Variants in SKI observed in about 807,000 individuals in gnomAD.
SKI encodes ski oncogene.
A neutral mutation model predicts 59.3 loss-of-function variants in SKI; 23 were observed. The observed-to-expected ratio is 0.39, with a 90% confidence interval of 0.28 to 0.55. SKI has a LOEUF of 0.55. SKI is among the 20% of genes least tolerant of loss of function. The pLI, the probability that SKI is intolerant of heterozygous loss-of-function variation, is 0.67. For synonymous variants in SKI, 673 were observed against 488.6 expected, an observed-to-expected ratio of 1.38 and a Z score of -4.98; for missense variants, 1,017 against 1,038.9, an observed-to-expected ratio of 0.98 and a Z score of 0.29.
chr1:2,246,722 GC>G (rs1639005251), intron 1 of SKI, among the ~76,000 whole-genome samples: 4 of 152,338 alleles, frequency 2.6e-5, no homozygotes, highest in Admixed American at 2.6e-4. Flanking sequence ...ACCTGCTGGG[GC>G]CGAAGGCTGT....
Position 2,267,458 on chromosome 1 carries a change from C to T in SKI, c.970-35520C>T, listed in dbSNP as rs931648193. Among the ~76,000 whole-genome samples the T allele has an allele frequency of 2.6e-5, 4 of 152,328 alleles. No individual in the cohort carries two copies. Among genetic ancestry groups the T allele is most frequent in the African/African-American group, 7.2e-5 (3 of 41,574 alleles). On this transcript the variant is annotated intron_variant, in intron 1 of 6. Coordinates refer to ENST00000378536, the MANE Select transcript of SKI (RefSeq NM_003036.4). The surrounding 1 kb of genome is among the most constrained non-coding windows in gnomAD (Gnocchi z 4.1). ...TGTCCCACGTCCTCTCGTGTGCTGTCGGGAGACAAACCTCTTCCTGCTTCA... is the reference window on the plus strand; with the variant it reads ...TGTCCCACGTCCTCTCGTGTGCTGTTGGGAGACAAACCTCTTCCTGCTTCA...
intron 1 of SKI, among the ~76,000 whole-genome samples, chr1:2,249,990 C>T (rs373858775): frequency 4.6e-5 from 7 of 152,072 alleles, no homozygotes; most frequent in Admixed American, 6.5e-5. Flanking sequence ...CAGCAACCTC[C>T]GCCTCCTGGA....
chr1:2,229,641 C>A lies in SKI; in HGVS notation c.875C>A (p.Thr292Lys). Reference protein sequence around the residue: ...RAYILLSQDYTGKEEQARLGR... With the variant: ...RAYILLSQDYKGKEEQARLGR... ...TACATCCTGCTGAGCCAGGATTACA[C>A]GGGCAAGGAGGAGCAGGCGCGCCTC... is the stretch of plus-strand genomic sequence containing the variant. Residue 292 changes from threonine to lysine, a missense_variant, in exon 1 of 7, where the codon ACG becomes AAG. By Grantham distance (78) the Thr-to-Lys change is moderately conservative. Transcript: ENST00000378536. The surrounding 1 kb of genome is among the most constrained non-coding windows in gnomAD (Gnocchi z 6.3). 1 of 1,612,260 alleles carries A rather than the reference C, an allele frequency of 6.2e-7. No individual in the cohort carries two copies. Among genetic ancestry groups the A allele is most frequent in the Non-Finnish European group, 8.5e-7 (1 of 1,179,782 alleles).
chr1:2,263,378 C>G (rs2100841795), intron 1 of SKI, among the ~76,000 whole-genome samples: 1 of 151,936 alleles, frequency 6.6e-6, no homozygotes, highest in Non-Finnish European at 1.5e-5. Flanking sequence ...GTAGGGATTA[C>G]AGGCGCATGC....
chr1:2,307,872 CAAG>C lies in SKI; in HGVS notation c.*1110_*1112del, dbSNP rs1640637010. 6.6e-6 allele frequency: 1 copy of C among 152,508 alleles called. No individual in the cohort carries two copies. The highest frequency in any genetic ancestry group is 1.9e-4 in the East Asian group (1 of 5,190). 9.4% of individuals were successfully genotyped at this position (152,508 alleles called of 1,614,324 possible). A position where few individuals can be genotyped will look rare whatever the true frequency, so the allele number is the denominator to read the frequency against. ...GGTGCTTGGTTGAACAAGGGAATCA[CAAG>C]AAAACGAAAATGCAAAAACTGAACT... On this transcript the variant is annotated 3_prime_UTR_variant, in exon 7 of 7. Coordinates refer to ENST00000378536, the MANE Select transcript of SKI (RefSeq NM_003036.4).
At chr1:2,300,679 T>C (rs1441155858) in intron 1 of SKI, among the ~76,000 whole-genome samples, 1 of 152,236 alleles carries the variant, frequency 6.6e-6, no homozygotes, top group Non-Finnish European at 1.5e-5. Context: ...GTTTCTCTGA[T>C]GCTGCAGAGA....
Position 2,269,189 on chromosome 1 carries a change from C to T in SKI, c.970-33789C>T, listed in dbSNP as rs1485229540. On this transcript the variant is annotated intron_variant, in intron 1 of 6. Transcript: ENST00000378536. This position sits in a 1 kb window ranked among gnomAD's most constrained non-coding sequence, Gnocchi z 4.7. Reference sequence around the variant, plus strand: ...CTAGAACTCCTGGGCTCAAGCGATCCTCCTGCTTCAGCCTCCCAAAGTGTT... The same window carrying T: ...CTAGAACTCCTGGGCTCAAGCGATCTTCCTGCTTCAGCCTCCCAAAGTGTT... Among the ~76,000 whole-genome samples the T allele has an allele frequency of 1.3e-5, 2 of 152,196 alleles. No individual in the cohort carries two copies. Among genetic ancestry groups the T allele is most frequent in the African/African-American group, 2.4e-5 (1 of 41,442 alleles).
chr1:2,234,947 T>C (rs577575770), intron 1 of SKI, among the ~76,000 whole-genome samples: 1 of 152,086 alleles, frequency 6.6e-6, no homozygotes, highest in South Asian at 2.1e-4. Context: ...GGACCAGCTC[T>C]TTACACCTGG....
intron 1 of SKI, among the ~76,000 whole-genome samples, chr1:2,255,741 C>G (rs1288997714): frequency 1.3e-5 from 2 of 151,748 alleles, no homozygotes; most frequent in Non-Finnish European, 2.9e-5. Flanking sequence ...CATTTCCTGT[C>G]TGTGCCACTT....
chr1:2,245,674 C>T (rs1333397171), intron 1 of SKI, among the ~76,000 whole-genome samples: 2 of 151,746 alleles, frequency 1.3e-5, no homozygotes, highest in African/African-American at 4.8e-5. Flanking sequence ...TGGGGTTTCA[C>T]CATGTTGGCC....
At position 2,305,212 on chromosome 1, in the gene SKI, G is replaced by A. The variant is rs61762061; in HGVS notation, c.1767+627G>A. On this transcript the variant is annotated intron_variant, in intron 5 of 6. Coordinates refer to ENST00000378536, the MANE Select transcript of SKI (RefSeq NM_003036.4). Reference sequence around the variant, plus strand: ...TCTCACGCTGCAGCTCCGGTCTCGCGCCTCCTTTTACGTTGTTTAGGTTTC... The same window carrying A: ...TCTCACGCTGCAGCTCCGGTCTCGCACCTCCTTTTACGTTGTTTAGGTTTC... 2.8e-3 allele frequency among the ~76,000 whole-genome samples: 433 copies of A among 152,308 alleles called. 1 individual carries two copies. Among genetic ancestry groups the A allele is most frequent in the Non-Finnish European group, 4.7e-3 (318 of 68,028 alleles).
intron 1 of SKI, among the ~76,000 whole-genome samples, chr1:2,234,668 C>G (rs531874141): frequency 6.6e-6 from 1 of 152,252 alleles, no homozygotes; most frequent in East Asian, 1.9e-4. Context: ...GTGTCCACGC[C>G]GGCGGCCCGG....
At position 2,303,800 on chromosome 1, in the gene SKI, G is replaced by C; in HGVS notation, c.1212-40G>C. 6.2e-7 allele frequency: 1 copy of C among 1,609,588 alleles called. No individual in the cohort carries two copies. The highest frequency in any genetic ancestry group is 1.3e-5 in the African/African-American group (1 of 74,956). Reference sequence around the variant, plus strand: ...CCAGGATGTGTCTGGGTGGTGCTTGGGGACAGAGGCACCTTCCCGACACCC... The same window carrying C: ...CCAGGATGTGTCTGGGTGGTGCTTGCGGACAGAGGCACCTTCCCGACACCC... On this transcript the variant is annotated intron_variant, in intron 3 of 6. Transcript: ENST00000378536. This position sits in a 1 kb window ranked among gnomAD's most constrained non-coding sequence, Gnocchi z 5.6.
chr1:2,292,610 G>C (rs1351994889), intron 1 of SKI, among the ~76,000 whole-genome samples: 1 of 152,202 alleles, frequency 6.6e-6, no homozygotes, highest in African/African-American at 2.4e-5. Flanking sequence ...CTGTCTCTGG[G>C]CTGTGGTCAT....
intron 1 of SKI, among the ~76,000 whole-genome samples, chr1:2,288,568 T>C (rs946573246): frequency 4.6e-5 from 7 of 152,208 alleles, no homozygotes; most frequent in Admixed American, 4.6e-4. Flanking sequence ...TGCGTGCACA[T>C]TTGTTTGCAT....
intron 1 of SKI, among the ~76,000 whole-genome samples, chr1:2,262,799 T>G (rs987369174): frequency 1.5e-4 from 23 of 152,322 alleles, no homozygotes; most frequent in African/African-American, 5.1e-4. Context: ...TGTGATGAAT[T>G]ATATTGACTG....
intron 1 of SKI, among the ~76,000 whole-genome samples, chr1:2,236,809 C>T (rs1458313857): frequency 6.6e-6 from 1 of 152,158 alleles, no homozygotes; most frequent in African/African-American, 2.4e-5. Context: ...ATATTATTAC[C>T]CTTGGCTGGT....
At chr1:2,275,127 C>T (rs1275592042) in intron 1 of SKI, among the ~76,000 whole-genome samples, 2 of 152,218 alleles carry the variant, frequency 1.3e-5, no homozygotes, top group Non-Finnish European at 2.9e-5. Flanking sequence ...GCTACTGCCC[C>T]CATGAGAGGA....
At chr1:2,231,962 A>G (rs1164405992) in intron 1 of SKI, among the ~76,000 whole-genome samples, 1 of 152,174 alleles carries the variant, frequency 6.6e-6, no homozygotes, top group Non-Finnish European at 1.5e-5. Flanking sequence ...AAGTCTCCTC[A>G]GGACAGCCGT....
Sources: allele counts gnomAD v4.1 joint callset (sites outside exome capture counted in the v4.1 genomes callset), GRCh38; gene constraint gnomAD v4.1.1; non-coding constraint Gnocchi (gnomAD v3.1); transcripts MANE v1.5; gene names NCBI Gene and HGNC (gene_info 2026-07-23, HGNC 2026-07-21).